The following SMYD3 variants were observed in gnomAD, a reference collection of about 807,000 sequenced individuals.
The protein encoded by SMYD3 is SET and MYND domain containing 3, also known as histone-lysine N-methyltransferase SMYD3.
A neutral mutation model predicts 57.7 loss-of-function variants in SMYD3; 36 were observed. The ratio of observed to expected loss-of-function variants is 0.62; its 90% CI spans 0.48 to 0.82. The LOEUF is 0.82. Among genes scored for constraint, SMYD3 ranks in the 40% least tolerant of loss-of-function variants. The pLI is 0.00. For synonymous variants in SMYD3, 211 were observed against 195.0 expected, an observed-to-expected ratio of 1.08 and a Z score of -0.68; for missense variants, 515 against 538.8, an observed-to-expected ratio of 0.96 and a Z score of 0.44.
At chr1:246,159,042 A>G (rs1386732240) in intron 5 of SMYD3, among the ~76,000 whole-genome samples, 1 of 152,148 alleles carries the variant, frequency 6.6e-6, no homozygotes, top group Non-Finnish European at 1.5e-5. Flanking sequence ...GTGGAAGAAG[A>G]GCTACTTTAG....
rs34210073 is a variant in SMYD3, at chr1:245,751,488, C to A, written c.1186-1824G>T. On this transcript the variant is annotated intron_variant, in intron 11 of 11. Coordinates refer to ENST00000490107, the MANE Select transcript of SMYD3 (RefSeq NM_001167740.2). ...TGTTCCCTTTAGGCTGGAAGGAAAACAGGCAGACAGAGGGGGTCTAGATTT... is the reference window on the plus strand; with the variant it reads ...TGTTCCCTTTAGGCTGGAAGGAAAAAAGGCAGACAGAGGGGGTCTAGATTT... 5.9e-5 allele frequency among the ~76,000 whole-genome samples: 9 copies of A among 151,378 alleles called. No homozygotes were observed. The East Asian group carries it at 1.8e-3, about 30-fold the overall frequency.
intron 10 of SMYD3, among the ~76,000 whole-genome samples, chr1:245,787,073 C>T (rs1413726273): frequency 3.9e-5 from 6 of 152,182 alleles, no homozygotes; most frequent in Non-Finnish European, 5.9e-5. Context: ...TTCATTAGAG[C>T]GGTATCTTTA....
intron 7 of SMYD3, among the ~76,000 whole-genome samples, chr1:245,923,636 G>T (rs1182782316): frequency 3.3e-5 from 5 of 152,194 alleles, no homozygotes; most frequent in Admixed American, 1.3e-4. Context: ...TAACTCCATG[G>T]ATCCTTTCAG....
intron 5 of SMYD3, among the ~76,000 whole-genome samples, chr1:246,254,427 T>C (rs1253313087): frequency 6.6e-6 from 1 of 152,214 alleles, no homozygotes; most frequent in Admixed American, 6.5e-5. Flanking sequence ...GTCTACTTTA[T>C]CAAAGATCAG....
At chr1:246,436,989 T>C (rs2067388438) in intron 1 of SMYD3, among the ~76,000 whole-genome samples, 1 of 140,218 alleles carries the variant, frequency 7.1e-6, no homozygotes, top group Admixed American at 7.6e-5. Flanking sequence ...AACCTCCACC[T>C]CCCGGGTTCA....
At chr1:245,814,166 G>A (rs1473179386) in intron 10 of SMYD3, among the ~76,000 whole-genome samples, 1 of 152,024 alleles carries the variant, frequency 6.6e-6, no homozygotes, top group African/African-American at 2.4e-5. Flanking sequence ...GGAGGAAAAC[G>A]TGACTATTAA....
intron 7 of SMYD3, among the ~76,000 whole-genome samples, chr1:245,920,294 C>G (rs908041372): frequency 6.1e-5 from 7 of 113,856 alleles, no homozygotes; most frequent in African/African-American, 1.4e-4. Flanking sequence ...GCCTGGGCGA[C>G]AGAGCGAGAC....
rs751910785 is a variant in SMYD3 at position 246,445,822 on chromosome 1, C to T, written c.164+61232G>A. Among the ~76,000 whole-genome samples the T allele has an allele frequency of 3.4e-4, 51 of 149,530 alleles. 1 individual carries two copies. Among genetic ancestry groups the T allele is most frequent in the African/African-American group, 1.1e-3 (44 of 40,320 alleles). On this transcript the variant is annotated intron_variant, in intron 1 of 11. Transcript: ENST00000490107. The stretch of plus-strand genomic sequence containing the variant: ...AACACTCTCACTTCTGAAATGGGAC[C>T]GGAGCTTTGCCTTTGAGTGGACATC...
At chr1:246,224,110 A>G (rs1218933257) in intron 5 of SMYD3, among the ~76,000 whole-genome samples, 2 of 152,216 alleles carry the variant, frequency 1.3e-5, no homozygotes, top group Non-Finnish European at 2.9e-5. Flanking sequence ...CAGAGAGAAC[A>G]AGACTGGCAA....
chr1:246,186,129 A>C (rs2062636642), intron 5 of SMYD3, among the ~76,000 whole-genome samples: 1 of 152,224 alleles, frequency 6.6e-6, no homozygotes, highest in South Asian at 2.1e-4. Flanking sequence ...TATTGTTAAG[A>C]AATAATTTTC....
At chr1:246,309,529 A>G (rs111627323) in intron 5 of SMYD3, among the ~76,000 whole-genome samples, 5 of 152,292 alleles carry the variant, frequency 3.3e-5, no homozygotes, top group African/African-American at 1.2e-4. Context: ...TGAGGATTCT[A>G]TTTTGTTTCT....
intron 1 of SMYD3, among the ~76,000 whole-genome samples, chr1:246,454,504 A>C (rs1306357318): frequency 6.6e-6 from 1 of 152,222 alleles, no homozygotes; most frequent in Non-Finnish European, 1.5e-5. Flanking sequence ...AGGAGCAATC[A>C]ATCAGAATAG....
At chr1:246,284,037 TCAGAAA>T (rs1394825984) in intron 5 of SMYD3, among the ~76,000 whole-genome samples, 1 of 152,184 alleles carries the variant, frequency 6.6e-6, no homozygotes, top group Non-Finnish European at 1.5e-5. Flanking sequence ...CATGAATTTC[TCAGAAA>T]CGAAGTCTTG....
At chr1:246,444,118 A>T (rs1334930442) in intron 1 of SMYD3, among the ~76,000 whole-genome samples, 2 of 130,114 alleles carry the variant, frequency 1.5e-5, no homozygotes, top group Admixed American at 2.0e-4. Context: ...TCACACCCAG[A>T]ACCTAAGAAT....
chr1:246,327,119 C>T, intron 5 of SMYD3, 82 bp downstream of exon 5: 1 of 1,557,866 alleles, frequency 6.4e-7, no homozygotes, highest in South Asian at 1.1e-5. Flanking sequence ...TGTCAAGATT[C>T]TCGACATTTT....
chr1:246,352,351 A>C (rs2065845314), intron 2 of SMYD3, among the ~76,000 whole-genome samples: 1 of 152,162 alleles, frequency 6.6e-6, no homozygotes. Flanking sequence ...ATTTTATACT[A>C]CAGATTTACA....
chr1:246,475,038 C>T (rs962027109), intron 1 of SMYD3, among the ~76,000 whole-genome samples: 3 of 152,124 alleles, frequency 2.0e-5, no homozygotes, highest in Non-Finnish European at 4.4e-5. Flanking sequence ...TGTACTTGGT[C>T]GGGCGCGGTG....
intron 5 of SMYD3, among the ~76,000 whole-genome samples, chr1:246,164,414 C>T (rs563963867): frequency 2.8e-4 from 42 of 152,150 alleles, no homozygotes; most frequent in Admixed American, 5.2e-4. Flanking sequence ...AGCGAGACTC[C>T]GTCTCAAGAA....
intron 5 of SMYD3, among the ~76,000 whole-genome samples, chr1:246,070,328 A>G (rs2787999): frequency 0.4 from 60,145 of 152,122 alleles, 14,900 homozygotes; most frequent in African/African-American, 0.68. Context: ...AGTGGTATCT[A>G]ATATCGATTA....
Sources: allele counts gnomAD v4.1 joint callset (sites outside exome capture counted in the v4.1 genomes callset), GRCh38; gene constraint gnomAD v4.1.1; transcripts MANE v1.5; gene names NCBI Gene and HGNC (gene_info 2026-07-23, HGNC 2026-07-21).